C1orf174: variants seen among roughly 807,000 people sequenced by gnomAD.
C1orf174 encodes chromosome 1 open reading frame 174.
A neutral mutation model predicts 18.4 loss-of-function variants in C1orf174; 13 were observed. The observed-to-expected ratio is 0.71, with a 90% CI of 0.46 to 1.12. The LOEUF is 1.12. Ranked by LOEUF, C1orf174 falls within the 50% of genes most tolerant of loss-of-function variation. The probability of loss-of-function intolerance (pLI) is 0.00; values close to 1 mark genes in which losing one functional copy is unlikely to be tolerated. For missense variants in C1orf174, 309 were observed against 308.0 expected, an observed-to-expected ratio of 1.00 and a Z score of -0.02; for synonymous variants, 100 against 118.3, an observed-to-expected ratio of 0.85 and a Z score of 1.01.
chr1:3,894,043 G>T (rs1024990772), intron 1 of C1orf174, among the ~76,000 whole-genome samples: 1 of 152,200 alleles, frequency 6.6e-6, no homozygotes, highest in Non-Finnish European at 1.5e-5. Flanking sequence ...GATTTTATTT[G>T]TATTTTATCG....
intron 1 of C1orf174, among the ~76,000 whole-genome samples, chr1:3,897,050 T>C (rs1289845025): frequency 3.3e-5 from 5 of 152,128 alleles, no homozygotes; most frequent in Non-Finnish European, 5.9e-5. Flanking sequence ...AGCCCCAGGG[T>C]TGGGGACAGT....
chr1:3,891,035 G>T lies in C1orf174; in HGVS notation c.152C>A (p.Thr51Lys), dbSNP rs1638501974. Residue 51 changes from threonine to lysine, a missense_variant, in exon 3 of 4, where the codon ACA becomes AAA. Coordinates refer to ENST00000361605, the MANE Select transcript of C1orf174 (RefSeq NM_207356.3). The stretch of plus-strand genomic sequence containing the variant: ...GAACTTCTTGGACGTTCGCGTGTCT[G>T]TGGCTTTGTGGGATGAGGAAGTCTG... ...ACLTSSSHKA[T>K]DTRTSKKFKC... 1.2e-6 allele frequency: 2 copies of T among 1,611,764 alleles called. No homozygotes were observed. Among genetic ancestry groups the T allele is most frequent in the Non-Finnish European group, 1.7e-6 (2 of 1,179,022 alleles).
intron 2 of C1orf174, 128 bp downstream of exon 2, chr1:3,892,755 T>C: frequency 2.0e-6 from 3 of 1,479,854 alleles, no homozygotes; most frequent in East Asian, 5.0e-5. Context: ...TCATCTGCAA[T>C]AGTCCCCCTC....
At chr1:3,895,724 G>C (rs1638595057) in intron 1 of C1orf174, 1 of 152,264 alleles carries the variant, frequency 6.6e-6, no homozygotes, top group Non-Finnish European at 1.5e-5. Flanking sequence ...AGTCTCACTT[G>C]CAGATTCCTG....
intron 2 of C1orf174, chr1:3,891,360 T>A (rs978865734): frequency 2.5e-4 from 74 of 300,920 alleles, no homozygotes; most frequent in African/African-American, 1.6e-3. Flanking sequence ...TTCTGAAGCA[T>A]ATATTTATAT....
At chr1:3,899,462 C>T (rs1480352585) in intron 1 of C1orf174, among the ~76,000 whole-genome samples, 1 of 152,170 alleles carries the variant, frequency 6.6e-6, no homozygotes, top group African/African-American at 2.4e-5. Context: ...TTAACTGTTA[C>T]ACCCACGCAA....
In C1orf174 at chr1:3,889,823, A is replaced by G. The variant is rs1409250412; in HGVS notation, c.*137T>C. The G allele has an allele frequency of 1.2e-6, 1 of 800,566 alleles. No individual in the cohort carries two copies. Among genetic ancestry groups the G allele is most frequent in the Non-Finnish European group, 2.1e-6 (1 of 471,290 alleles). The allele number at this position is 800,566 out of a possible 1,614,324, so 49.6% of individuals were successfully genotyped here. A position where few individuals can be genotyped will look rare whatever the true frequency, so the allele number is the denominator to read the frequency against. ...CCACAGGTATTGGGTGCTTTGCACT[A>G]TTGACTTAGATGGGTCAGTTCTGAA... is the stretch of plus-strand genomic sequence containing the variant. On this transcript the variant is annotated 3_prime_UTR_variant, in exon 4 of 4. Transcript: ENST00000361605.
At position 3,889,975 on chromosome 1, in the gene C1orf174, ATCGTCG is replaced by A; in HGVS notation, c.711_716del (p.Asp239_Asp240del). 6.2e-7 allele frequency: 1 copy of A among 1,614,050 alleles called. No homozygotes were observed. The highest frequency in any genetic ancestry group is 8.5e-7 in the Non-Finnish European group (1 of 1,179,916). ...TGTATGGCCCCTACATTTCTGCATC[ATCGTCG>A]TCGTCATCATCATCATCTTTGGCTC... On this transcript the variant is annotated inframe_deletion, in exon 4 of 4. Coordinates refer to ENST00000361605, the MANE Select transcript of C1orf174 (RefSeq NM_207356.3).
intron 1 of C1orf174, among the ~76,000 whole-genome samples, chr1:3,899,804 A>G (rs1268122621): frequency 7.1e-6 from 1 of 141,310 alleles, no homozygotes; most frequent in Non-Finnish European, 1.5e-5. Context: ...GAGGGCGTGG[A>G]CCGGAGCCCC....
At chr1:3,893,068 A>G in intron 1 of C1orf174, 72 bp from the exon 2 acceptor site, 1 of 1,524,296 alleles carries the variant, frequency 6.6e-7, no homozygotes, top group Non-Finnish European at 8.9e-7. Flanking sequence ...AGAATTTCCC[A>G]CCTAAAGAAC....
rs1388595289 is a variant in C1orf174, at chr1:3,890,754, T to C, written c.433A>G (p.Ser145Gly). 6.2e-7 allele frequency: 1 copy of C among 1,613,962 alleles called. No homozygotes were observed. Among genetic ancestry groups the C allele is most frequent in the Admixed American group, 1.7e-5 (1 of 60,010 alleles). The part of the protein sequence containing the change: ...TRDGLSVPKH[S>G]AGSGAEESNS... ...GATTCTTCTGCTCCGGACCCGGCAC[T>C]GTGTTTTGGCACGGACAGGCCATCT... Residue 145 changes from serine to glycine, a missense_variant, in exon 3 of 4, where the codon AGT (serine) becomes GGT (glycine). By Grantham distance (56) the Ser-to-Gly change is moderately conservative. Coordinates refer to ENST00000361605, the MANE Select transcript of C1orf174 (RefSeq NM_207356.3).
At chr1:3,894,697 G>C (rs1487273136) in intron 1 of C1orf174, among the ~76,000 whole-genome samples, 1 of 152,062 alleles carries the variant, frequency 6.6e-6, no homozygotes, top group Non-Finnish European at 1.5e-5. Flanking sequence ...GCAGCTCCAA[G>C]GTCCTGTGAT....
intron 1 of C1orf174, among the ~76,000 whole-genome samples, chr1:3,898,113 G>A (rs1473408845): frequency 1.3e-5 from 2 of 152,196 alleles, no homozygotes; most frequent in Non-Finnish European, 1.5e-5. Flanking sequence ...CACTTAGAAG[G>A]GAACCTCAAT....
Position 3,890,851 on chromosome 1 carries a change from C to T in C1orf174, c.336G>A (p.Val112=). 5.0e-6 allele frequency: 8 copies of T among 1,613,634 alleles called. No homozygotes were observed. The highest frequency in any genetic ancestry group is 6.8e-6 in the Non-Finnish European group (8 of 1,180,012). Residue 112 remains valine (V), a synonymous_variant, in exon 3 of 4, where the codon GTG becomes GTA. Coordinates refer to ENST00000361605, the MANE Select transcript of C1orf174 (RefSeq NM_207356.3). ...LLPGSEAGVS[V]QQGAASLPLG... is the part of the protein sequence containing the mutation. ...GAGGAAGACTTGCAGCCCCCTGCTG[C>T]ACAGAAACGCCAGCCTCGCTGCCTG...
chr1:3,894,886 C>A (rs535657646), intron 1 of C1orf174, among the ~76,000 whole-genome samples: 3 of 152,346 alleles, frequency 2.0e-5, no homozygotes, highest in Admixed American at 2.0e-4. Flanking sequence ...AAGGGCAGGG[C>A]TTTGCTGAGA....
Position 3,890,859 on chromosome 1 carries a change from C to T in C1orf174, c.328G>A (p.Val110Ile), listed in dbSNP as rs879087064. 14 of 1,613,624 alleles carry T rather than the reference C, an allele frequency of 8.7e-6. No homozygotes were observed. Among genetic ancestry groups the T allele is most frequent in the East Asian group, 4.5e-5 (2 of 44,858 alleles). ...SALLPGSEAG[V>I]SVQQGAASLP... ...CTTGCAGCCCCCTGCTGCACAGAAACGCCAGCCTCGCTGCCTGGAAGCAAG... is the reference window on the plus strand; with the variant it reads ...CTTGCAGCCCCCTGCTGCACAGAAATGCCAGCCTCGCTGCCTGGAAGCAAG... The change falls in exon 3 of 4, where the codon GTT becomes ATT. Residue 110 changes from valine to isoleucine, a missense_variant. Transcript: ENST00000361605.
chr1:3,898,686 G>C (rs1343019820), intron 1 of C1orf174, among the ~76,000 whole-genome samples: 2 of 152,168 alleles, frequency 1.3e-5, no homozygotes, highest in African/African-American at 4.8e-5. Context: ...TAGTTTAAAT[G>C]CCTATTCCTC....
chr1:3,899,349 T>G (rs560285428), intron 1 of C1orf174, among the ~76,000 whole-genome samples: 15 of 152,310 alleles, frequency 9.8e-5, no homozygotes, highest in Admixed American at 3.3e-4. Context: ...AATTCACAAG[T>G]GGCCACTCCA....
intron 1 of C1orf174, among the ~76,000 whole-genome samples, chr1:3,897,182 C>G (rs1376266336): frequency 6.6e-6 from 1 of 152,136 alleles, no homozygotes; most frequent in Non-Finnish European, 1.5e-5. Context: ...GGAATAAAAG[C>G]AGGCCACAGA....
Sources: allele counts gnomAD v4.1 joint callset (sites outside exome capture counted in the v4.1 genomes callset), GRCh38; gene constraint gnomAD v4.1.1; transcripts MANE v1.5; gene names NCBI Gene and HGNC (gene_info 2026-07-23, HGNC 2026-07-21).